Variants in RFX3 observed in about 807,000 individuals in gnomAD.
RFX3 encodes transcription factor RFX3.
A neutral mutation model predicts 98.6 loss-of-function variants in RFX3; 14 were observed. That is an observed-to-expected ratio of 0.14 (90% CI 0.09 to 0.22). The LOEUF is 0.22. Ranked by LOEUF, RFX3 falls within the 10% of genes least tolerant of loss-of-function variation. The pLI is 1.00. For missense variants in RFX3, 639 were observed against 926.9 expected (o/e 0.69, Z 4.03); for synonymous variants, 383 against 328.4 (o/e 1.17, Z -1.80).
chr9:3,431,736 C>T (rs1057357685), intron 1 of RFX3, among the ~76,000 whole-genome samples: 8 of 152,138 alleles, frequency 5.3e-5, no homozygotes, highest in Non-Finnish European at 1.0e-4. Flanking sequence ...TAGAAAGAGG[C>T]TTGACTTAAA....
At chr9:3,495,554 A>G (rs1206450927) in intron 1 of RFX3, among the ~76,000 whole-genome samples, 1 of 152,128 alleles carries the variant, frequency 6.6e-6, no homozygotes, top group Non-Finnish European at 1.5e-5. Context: ...CAAGAAAAAA[A>G]TGATTAACTT....
chr9:3,307,730 T>G (rs1424081140), intron 4 of RFX3, among the ~76,000 whole-genome samples: 1 of 152,204 alleles, frequency 6.6e-6, no homozygotes, highest in East Asian at 1.9e-4. Flanking sequence ...CGCATAGTCT[T>G]TATTCTAAGA....
chr9:3,498,751 T>C (rs1370034068), intron 1 of RFX3, among the ~76,000 whole-genome samples: 1 of 152,104 alleles, frequency 6.6e-6, no homozygotes, highest in Non-Finnish European at 1.5e-5. Context: ...TCAAACTAGC[T>C]TACCGTGAAA....
intron 1 of RFX3, among the ~76,000 whole-genome samples, chr9:3,522,560 T>C (rs1222772734): frequency 8.6e-6 from 1 of 115,824 alleles, no homozygotes; most frequent in Non-Finnish European, 1.6e-5. Flanking sequence ...TGTGTGCGTG[T>C]GTGTGTGTGT....
At position 3,247,972 on chromosome 9, in the gene RFX3, G is replaced by C. The variant is rs144215421; in HGVS notation, c.1968+60C>G. On this transcript the variant is annotated intron_variant, in intron 15 of 16. Coordinates refer to ENST00000617270, the MANE Select transcript of RFX3 (RefSeq NM_001282116.2). ...TAATCAATAATGTATTTAGACTGAA[G>C]TGTAATTCTGGCTTATTTTTAATAA... 436 of 1,613,798 alleles carry C rather than the reference G, an allele frequency of 2.7e-4. No homozygotes were observed. Among genetic ancestry groups the C allele is most frequent in the Non-Finnish European group, 2.1e-4 (244 of 1,179,942 alleles).
intron 15 of RFX3, among the ~76,000 whole-genome samples, chr9:3,238,862 G>A (rs1014793834): frequency 2.0e-5 from 3 of 151,828 alleles, no homozygotes; most frequent in Non-Finnish European, 2.9e-5. Flanking sequence ...GCGTGGTTGC[G>A]CATGCCTATA....
Position 3,223,011 on chromosome 9 carries a change from A to T in RFX3, c.*2031T>A, listed in dbSNP as rs982010609. 2 of 152,156 alleles carry T rather than the reference A, an allele frequency of 1.3e-5. No individual in the cohort carries two copies. Among genetic ancestry groups the T allele is most frequent in the African/African-American group, 4.8e-5 (2 of 41,440 alleles). 9.4% of individuals were successfully genotyped at this position (152,156 alleles called of 1,614,324 possible). On this transcript the variant is annotated 3_prime_UTR_variant, in exon 17 of 17. Transcript: ENST00000617270. ...GCTTAAATACACTGTGTATTACCCG[A>T]TAAGCCATTTGGTATTTCTAACTTT...
chr9:3,430,203 A>G (rs1197744172), intron 1 of RFX3, among the ~76,000 whole-genome samples: 3 of 152,224 alleles, frequency 2.0e-5, no homozygotes, highest in African/African-American at 7.2e-5. Flanking sequence ...TGTAAATCTA[A>G]TACTCAGGAT....
At chr9:3,449,514 C>T (rs932983916) in intron 1 of RFX3, among the ~76,000 whole-genome samples, 8 of 152,198 alleles carry the variant, frequency 5.3e-5, no homozygotes, top group Non-Finnish European at 1.2e-4. Context: ...GTTTATTTGA[C>T]ACTTTTCTAT....
intron 1 of RFX3, among the ~76,000 whole-genome samples, chr9:3,477,957 T>G (rs918252897): frequency 6.6e-6 from 1 of 152,150 alleles, no homozygotes; most frequent in Non-Finnish European, 1.5e-5. Flanking sequence ...ATTTCAGTTA[T>G]TATACTTTTA....
intron 2 of RFX3, among the ~76,000 whole-genome samples, chr9:3,372,605 T>G (rs1587377503): frequency 6.7e-6 from 1 of 149,910 alleles, no homozygotes. Flanking sequence ...TGGAGTGCGG[T>G]GGTGTGATCT....
chr9:3,249,042 G>C (rs1821043288), intron 14 of RFX3, among the ~76,000 whole-genome samples: 2 of 152,210 alleles, frequency 1.3e-5, no homozygotes, highest in South Asian at 4.1e-4. Context: ...GTGTGTGTGA[G>C]TGTGTGTATG....
chr9:3,366,682 CTTCTTTCTTTCCTTTCTTTCTTTCTTTCT>C (rs1837131543), intron 2 of RFX3, among the ~76,000 whole-genome samples: 2 of 69,970 alleles, frequency 2.9e-5, no homozygotes, highest in East Asian at 4.8e-4. Context: ...CTCTTTCTTT[CTTCTTTCTTTCCTTTCTTTCTTTCTTTCT>C]TTCTTTCTTT....
chr9:3,327,226 T>C (rs990411952), intron 4 of RFX3, among the ~76,000 whole-genome samples: 1 of 151,796 alleles, frequency 6.6e-6, no homozygotes, highest in African/African-American at 2.4e-5. Flanking sequence ...TTTTTAGGAG[T>C]GAAAACAATC....
At chr9:3,325,249 T>C (rs527574718) in intron 4 of RFX3, among the ~76,000 whole-genome samples, 1 of 152,238 alleles carries the variant, frequency 6.6e-6, no homozygotes, top group Admixed American at 6.5e-5. Flanking sequence ...TTACACCAAA[T>C]TCATAAACAT....
intron 1 of RFX3, among the ~76,000 whole-genome samples, chr9:3,445,034 C>T (rs1461734692): frequency 6.6e-6 from 1 of 152,106 alleles, no homozygotes; most frequent in Admixed American, 6.6e-5. Context: ...GGGAGAAATA[C>T]ATTTAATCAC....
intron 1 of RFX3, among the ~76,000 whole-genome samples, chr9:3,448,759 A>G (rs1379004523): frequency 6.6e-6 from 1 of 152,176 alleles, no homozygotes; most frequent in East Asian, 1.9e-4. Flanking sequence ...GCCTCAAGTG[A>G]TCTTTCCACC....
intron 3 of RFX3, among the ~76,000 whole-genome samples, chr9:3,333,571 C>G (rs1486533020): frequency 6.6e-6 from 1 of 151,488 alleles, no homozygotes; most frequent in Admixed American, 6.6e-5. Context: ...AATAAAACAG[C>G]CATGTTGGTT....
chr9:3,390,463 C>T (rs1840191269), intron 2 of RFX3, among the ~76,000 whole-genome samples: 2 of 152,072 alleles, frequency 1.3e-5, no homozygotes, highest in African/African-American at 4.8e-5. Flanking sequence ...CTATGAAATC[C>T]AGGCTGAAGT....
Sources: allele counts gnomAD v4.1 joint callset (sites outside exome capture counted in the v4.1 genomes callset), GRCh38; gene constraint gnomAD v4.1.1; transcripts MANE v1.5; gene names NCBI Gene and HGNC (gene_info 2026-07-23, HGNC 2026-07-21).